The following SLC7A6OS variants were observed in gnomAD, a reference collection of about 807,000 sequenced individuals.
The protein encoded by SLC7A6OS is solute carrier family 7 member 6 opposite strand, also known as probable RNA polymerase II nuclear localization protein SLC7A6OS.
In SLC7A6OS, 22 loss-of-function variants were observed where a neutral mutation model predicts 34.3. That is an observed-to-expected ratio of 0.64 (90% CI 0.46 to 0.92). SLC7A6OS has a LOEUF of 0.92. Among genes scored for constraint, SLC7A6OS ranks in the 40% least tolerant of loss-of-function variants. The pLI, the probability that SLC7A6OS is intolerant of heterozygous loss-of-function variation, is 0.00. For missense variants in SLC7A6OS, 434 were observed against 407.7 expected, an observed-to-expected ratio of 1.06 and a Z score of -0.56; for synonymous variants, 199 against 165.0, an observed-to-expected ratio of 1.21 and a Z score of -1.58.
chr16:68,306,012 G>A (rs1244360276), intron 2 of SLC7A6OS, among the ~76,000 whole-genome samples: 1 of 152,122 alleles, frequency 6.6e-6, no homozygotes, highest in Admixed American at 6.5e-5. Context: ...CCGTGATCAT[G>A]CCACTGCACT....
chr16:68,310,910 G>C lies in SLC7A6OS; in HGVS notation c.17C>G (p.Thr6Ser), dbSNP rs1016132635. The C allele has an allele frequency of 1.9e-6, 3 of 1,589,066 alleles. No individual in the cohort carries two copies. The highest frequency in any genetic ancestry group is 2.2e-5 in the South Asian group (2 of 89,270). MEAAR[T>S]AVLRVKRKRS... Reference sequence around the variant, plus strand: ...CTTCCGCTTCACCCGGAGTACAGCGGTCCTGGCGGCCTCCATAGTGGCTGC... The same window carrying C: ...CTTCCGCTTCACCCGGAGTACAGCGCTCCTGGCGGCCTCCATAGTGGCTGC... Residue 6 changes from threonine (T) to serine (S), a missense_variant, in exon 1 of 5, where the codon ACC (threonine) becomes AGC (serine). Physicochemically the swap from Thr to Ser is moderately conservative, Grantham distance 58. Coordinates refer to ENST00000263997, the MANE Select transcript of SLC7A6OS (RefSeq NM_032178.3).
intron 2 of SLC7A6OS, among the ~76,000 whole-genome samples, chr16:68,306,109 C>T (rs186412624): frequency 6.6e-6 from 1 of 152,300 alleles, no homozygotes; most frequent in African/African-American, 2.4e-5. Flanking sequence ...GAATTTTGTA[C>T]TCAGAAGGAA....
intron 2 of SLC7A6OS, among the ~76,000 whole-genome samples, chr16:68,308,460 TCTACTAAAAATACAAAATTAG>T (rs2043342424): frequency 6.6e-6 from 1 of 151,542 alleles, no homozygotes; most frequent in African/African-American, 2.4e-5. Flanking sequence ...AAACCCCGTC[TCTACTAAAAATACAAAATTAG>T]CCGGGTGTGG....
At chr16:68,309,937 G>A (rs2043415251) in intron 2 of SLC7A6OS, among the ~76,000 whole-genome samples, 1 of 152,116 alleles carries the variant, frequency 6.6e-6, no homozygotes, top group Non-Finnish European at 1.5e-5. Context: ...AAGTCCTCTC[G>A]ATATGTGGAA....
At chr16:68,310,079 A>C (rs2043427471) in intron 2 of SLC7A6OS, among the ~76,000 whole-genome samples, 1 of 152,172 alleles carries the variant, frequency 6.6e-6, no homozygotes, top group Admixed American at 6.5e-5. Context: ...TCTGACACTG[A>C]ATAGACTTGT....
Position 68,301,007 on chromosome 16 carries a change from G to C in SLC7A6OS, c.*268C>G. On this transcript the variant is annotated 3_prime_UTR_variant, in exon 5 of 5. Coordinates refer to ENST00000263997, the MANE Select transcript of SLC7A6OS (RefSeq NM_032178.3). ...CCTGGGCCAAGAAGCTAAAGCTAAA[G>C]AAACCTTCCTTTTTTCAACGTTTTT... 2 of 1,106,120 alleles carry C rather than the reference G, an allele frequency of 1.8e-6. No individual in the cohort carries two copies. Among genetic ancestry groups the C allele is most frequent in the Non-Finnish European group, 2.2e-6 (2 of 908,720 alleles). 68.5% of individuals were successfully genotyped at this position (1,106,120 alleles called of 1,614,324 possible).
rs889184698 is a variant in SLC7A6OS, at chr16:68,310,339, C to A, written c.467G>T (p.Cys156Phe). 1.2e-5 allele frequency: 19 copies of A among 1,598,564 alleles called. No individual in the cohort carries two copies. The highest frequency in any genetic ancestry group is 1.6e-5 in the Non-Finnish European group (19 of 1,169,580). ...GEPEAASAGS[C>F]KTSDPDVILC... ...CACCTTCAGGGGCATACTCACTTTG[C>A]AGGAGCCTGCAGAGGCGGCTTCAGG... Residue 156 changes from cysteine to phenylalanine, a missense_variant, in exon 2 of 5, where the codon TGC becomes TTC. Physicochemically the swap from Cys to Phe is radical, Grantham distance 205 (BLOSUM62 -2). Transcript: ENST00000263997.
intron 4 of SLC7A6OS, 48 bp downstream of exon 4, chr16:68,302,333 T>G: frequency 6.2e-7 from 1 of 1,608,690 alleles, no homozygotes; most frequent in South Asian, 1.1e-5. Flanking sequence ...TGCCTGCACC[T>G]CAGTCTCAGA....
At position 68,310,216 on chromosome 16, in the gene SLC7A6OS, G is replaced by A. The variant is rs898086792; in HGVS notation, c.471+119C>T. The A allele has an allele frequency of 4.4e-6, 5 of 1,137,232 alleles. No individual in the cohort carries two copies. The Admixed American group carries it at 1.2e-4, about 26-fold the overall frequency. 70.4% of individuals were successfully genotyped at this position (1,137,232 alleles called of 1,614,324 possible). On this transcript the variant is annotated intron_variant, in intron 2 of 4. Coordinates refer to ENST00000263997, the MANE Select transcript of SLC7A6OS (RefSeq NM_032178.3). ...ATGAACAACCAAATCTGTAAAATGAGGCCGTCACGCCGGATGGATCATCCA... is the reference window on the plus strand; with the variant it reads ...ATGAACAACCAAATCTGTAAAATGAAGCCGTCACGCCGGATGGATCATCCA...
At chr16:68,306,678 G>T (rs2043329015) in intron 2 of SLC7A6OS, among the ~76,000 whole-genome samples, 1 of 152,148 alleles carries the variant, frequency 6.6e-6, no homozygotes, top group Admixed American at 6.5e-5. Context: ...TTTCTGTAGA[G>T]ATGGAGTCTT....
chr16:68,305,278 T>C (rs1334693455), intron 2 of SLC7A6OS, among the ~76,000 whole-genome samples: 3 of 152,240 alleles, frequency 2.0e-5, no homozygotes, highest in South Asian at 2.1e-4. Flanking sequence ...ACCTCTACCA[T>C]TGCCCATCAT....
chr16:68,308,086 G>C (rs2043339277), intron 2 of SLC7A6OS, among the ~76,000 whole-genome samples: 2 of 151,960 alleles, frequency 1.3e-5, no homozygotes, highest in Non-Finnish European at 1.5e-5. Context: ...ATTTTTAGTA[G>C]AAATGGGGTT....
At chr16:68,301,825 TCTC>T (rs1315847176) in intron 4 of SLC7A6OS, 4 of 159,676 alleles carry the variant, frequency 2.5e-5, no homozygotes, top group African/African-American at 9.6e-5. Context: ...TGGGCCTTCT[TCTC>T]TCTTCTTTAA....
chr16:68,310,183 CAT>C (rs923376286), intron 2 of SLC7A6OS, 150 bp downstream of exon 2: 8 of 859,568 alleles, frequency 9.3e-6, no homozygotes, highest in East Asian at 2.7e-5. Context: ...GTAGTAAACA[CAT>C]GTTGGATGAA....
rs2043258789 is a variant in SLC7A6OS, at chr16:68,300,889, G to A, written c.*386C>T. The A allele has an allele frequency of 2.0e-6, 2 of 991,348 alleles. No homozygotes were observed. Among genetic ancestry groups the A allele is most frequent in the South Asian group, 9.2e-5 (2 of 21,658 alleles). 61.4% of individuals were successfully genotyped at this position (991,348 alleles called of 1,614,324 possible). On this transcript the variant is annotated 3_prime_UTR_variant, in exon 5 of 5. Transcript: ENST00000263997. ...GGTTTTCCTAGAGGCAGGCAGCCTG[G>A]TGGTATGGCACAGCAGAAGCTTACT... is the stretch of plus-strand genomic sequence containing the variant.
chr16:68,305,209 C>G (rs2043318416), intron 2 of SLC7A6OS, among the ~76,000 whole-genome samples: 1 of 152,118 alleles, frequency 6.6e-6, no homozygotes, highest in Non-Finnish European at 1.5e-5. Context: ...ATGGCTGAAC[C>G]TGAAATGAGT....
Position 68,301,190 on chromosome 16 carries a change from C to G in SLC7A6OS, c.*85G>C. On this transcript the variant is annotated 3_prime_UTR_variant, in exon 5 of 5. Coordinates refer to ENST00000263997, the MANE Select transcript of SLC7A6OS (RefSeq NM_032178.3). ...CCTTCCACATGTTAAGCTAGGAAAC[C>G]TAACAGGATGTCAGCAGGGCAGTTA... The G allele has an allele frequency of 6.5e-7, 1 of 1,526,806 alleles. No individual in the cohort carries two copies. Among genetic ancestry groups the G allele is most frequent in the Non-Finnish European group, 8.8e-7 (1 of 1,130,662 alleles). The allele number at this position is 1,526,806 out of a possible 1,614,324, so 94.6% of individuals were successfully genotyped here. A position where few individuals can be genotyped will look rare whatever the true frequency, so the allele number is the denominator to read the frequency against.
Position 68,302,368 on chromosome 16 carries a change from G to A in SLC7A6OS, c.799+13C>T. ...ATCCTACCAGTCCCTCCCGGTCTGGGGCTGCCACCCACCTCTGGAATCCTC... is the reference window on the plus strand; with the variant it reads ...ATCCTACCAGTCCCTCCCGGTCTGGAGCTGCCACCCACCTCTGGAATCCTC... On this transcript the variant is annotated intron_variant, in intron 4 of 4. Transcript: ENST00000263997. The A allele has an allele frequency of 6.2e-7, 1 of 1,613,920 alleles. No individual in the cohort carries two copies.
chr16:68,304,785 T>C (rs1288450430), intron 2 of SLC7A6OS, among the ~76,000 whole-genome samples: 1 of 152,216 alleles, frequency 6.6e-6, no homozygotes, highest in Non-Finnish European at 1.5e-5. Flanking sequence ...TGCTTGGCTC[T>C]CACACCTATA....
Sources: gnomAD v4.1 joint callset for allele counts (sites outside exome capture counted in the v4.1 genomes callset) on GRCh38, gnomAD v4.1.1 for gene constraint, MANE v1.5 for transcripts, NCBI Gene and HGNC (gene_info 2026-07-23, HGNC 2026-07-21) for gene names.